The following NRXN1 variants were observed in gnomAD, a reference collection of about 807,000 sequenced individuals.
NRXN1 encodes neurexin-1.
Under a neutral mutation model 150.9 loss-of-function variants are expected in NRXN1, and 39 were observed. The ratio of observed to expected loss-of-function variants is 0.26; its 90% confidence interval spans 0.20 to 0.34. NRXN1 has a LOEUF of 0.34. Ranked by LOEUF, NRXN1 falls within the 10% of genes least tolerant of loss-of-function variation. The pLI is 1.00. For missense variants in NRXN1, 1,815 were observed against 1,949.9 expected (o/e 0.93, Z 1.30); for synonymous variants, 924 against 757.0 (o/e 1.22, Z -3.62).
At chr2:50,806,469 C>G (rs1438596791) in intron 5 of NRXN1, among the ~76,000 whole-genome samples, 1 of 152,024 alleles carries the variant, frequency 6.6e-6, no homozygotes, top group Non-Finnish European at 1.5e-5. Flanking sequence ...TTATTTTACT[C>G]AAGATTTGTT....
intron 5 of NRXN1, among the ~76,000 whole-genome samples, chr2:50,763,934 G>A (rs1255963360): frequency 6.6e-6 from 1 of 151,628 alleles, no homozygotes; most frequent in Non-Finnish European, 1.5e-5. Context: ...CTCCTCCAAT[G>A]ACACTCCCAC....
At chr2:50,312,261 T>C (rs2075245867) in intron 17 of NRXN1, among the ~76,000 whole-genome samples, 1 of 152,096 alleles carries the variant, frequency 6.6e-6, no homozygotes, top group Admixed American at 6.6e-5. Flanking sequence ...AGGATCTTAG[T>C]TTTTTACTTT....
chr2:50,713,030 T>C (rs858936), intron 5 of NRXN1, among the ~76,000 whole-genome samples: 13,057 of 152,100 alleles, frequency 0.086, 729 homozygotes, highest in Middle Eastern at 0.15. Context: ...AAATTTAAAA[T>C]AGCTGAGTGT....
At chr2:50,549,295 C>T (rs1202412940) in intron 9 of NRXN1, among the ~76,000 whole-genome samples, 3 of 152,056 alleles carry the variant, frequency 2.0e-5, no homozygotes, top group African/African-American at 7.2e-5. Context: ...AATTAAAATA[C>T]TATATATAAA....
chr2:50,769,865 A>G (rs532003326), intron 5 of NRXN1, among the ~76,000 whole-genome samples: 2 of 152,252 alleles, frequency 1.3e-5, no homozygotes, highest in South Asian at 4.1e-4. Context: ...AAATTCGTTC[A>G]GCATCAGGCG....
chr2:50,208,185 C>T (rs768834360), intron 18 of NRXN1, among the ~76,000 whole-genome samples: 3 of 152,036 alleles, frequency 2.0e-5, no homozygotes, highest in Admixed American at 6.6e-5. Flanking sequence ...ACCACTTTTG[C>T]ACCTTCTCAG....
Position 50,114,447 on chromosome 2 carries a change from G to A in NRXN1, c.3547-22953C>T, listed in dbSNP as rs189282570. 4.6e-5 allele frequency among the ~76,000 whole-genome samples: 7 copies of A among 152,222 alleles called. No individual in the cohort carries two copies. The East Asian group carries it at 1.4e-3, about 29-fold the overall frequency. Reference sequence around the variant, plus strand: ...TACAGTTACTTTGGAAGACATTGTAGTAGTTTCTTACTAAATCAAACATAC... The same window carrying A: ...TACAGTTACTTTGGAAGACATTGTAATAGTTTCTTACTAAATCAAACATAC... On this transcript the variant is annotated intron_variant, in intron 18 of 22. Coordinates refer to ENST00000401669, the MANE Select transcript of NRXN1 (RefSeq NM_001330078.2).
chr2:50,635,523 C>T (rs2104439199), intron 5 of NRXN1, among the ~76,000 whole-genome samples: 1 of 152,152 alleles, frequency 6.6e-6, no homozygotes, highest in African/African-American at 2.4e-5. Flanking sequence ...CCTCTTCTTC[C>T]CTCCTCAGAA....
At chr2:50,526,342 T>G (rs528259782) in intron 12 of NRXN1, among the ~76,000 whole-genome samples, 2 of 152,188 alleles carry the variant, frequency 1.3e-5, no homozygotes, top group Non-Finnish European at 2.9e-5. Context: ...GTTGATAGCT[T>G]AGGTATGGCA....
rs1242261175 is a variant in NRXN1, at chr2:50,791,162, C to A, written c.832+130707G>T. Among the ~76,000 whole-genome samples, 5 of 139,978 alleles carry A rather than the reference C, an allele frequency of 3.6e-5. No individual in the cohort carries two copies. In the South Asian group the frequency reaches 6.8e-4, roughly 19 times the overall value. 91.8% of individuals were successfully genotyped at this position (139,978 alleles called of 152,430 possible). A position where few individuals can be genotyped will look rare whatever the true frequency, so the allele number is the denominator to read the frequency against. On this transcript the variant is annotated intron_variant, in intron 5 of 22. Transcript: ENST00000401669. ...TAAAAAAAAAGACTGTCAAAAGTAA[C>A]ACATGTAACTAAGAGTGAAATCTTT...
intron 17 of NRXN1, among the ~76,000 whole-genome samples, chr2:50,245,412 T>A (rs1158432870): frequency 6.6e-6 from 1 of 151,980 alleles, no homozygotes; most frequent in Non-Finnish European, 1.5e-5. Context: ...TCTTCCCTTC[T>A]GAAACTAGGC....
At chr2:50,298,892 G>C (rs1383853069) in intron 17 of NRXN1, among the ~76,000 whole-genome samples, 1 of 152,100 alleles carries the variant, frequency 6.6e-6, no homozygotes, top group East Asian at 1.9e-4. Context: ...CTCTCCTTTT[G>C]AAATGAACAT....
At chr2:50,442,773 A>T (rs2086076076) in intron 17 of NRXN1, among the ~76,000 whole-genome samples, 1 of 152,166 alleles carries the variant, frequency 6.6e-6, no homozygotes. Flanking sequence ...GTGAAACATC[A>T]ACATTTAGGA....
At chr2:50,718,618 G>A (rs969671591) in intron 5 of NRXN1, among the ~76,000 whole-genome samples, 1 of 152,136 alleles carries the variant, frequency 6.6e-6, no homozygotes, top group Non-Finnish European at 1.5e-5. Flanking sequence ...AACCAAGGAC[G>A]CTCACTAATT....
At chr2:51,029,566 G>T (rs142325766) in intron 1 of NRXN1, among the ~76,000 whole-genome samples, 1 of 152,278 alleles carries the variant, frequency 6.6e-6, no homozygotes, top group African/African-American at 2.4e-5. Flanking sequence ...TTGTTCTGTG[G>T]ACAGTAAAAA....
At chr2:50,362,187 C>T (rs1411842977) in intron 17 of NRXN1, among the ~76,000 whole-genome samples, 1 of 152,114 alleles carries the variant, frequency 6.6e-6, no homozygotes, top group Non-Finnish European at 1.5e-5. Context: ...TGAAAACCGG[C>T]ACAAGACAAG....
intron 8 of NRXN1, among the ~76,000 whole-genome samples, chr2:50,595,039 A>T (rs1674930050): frequency 6.6e-6 from 1 of 151,674 alleles, no homozygotes; most frequent in Non-Finnish European, 1.5e-5. Context: ...GTGAAACACC[A>T]GAGCGGAGAT....
At chr2:50,781,197 A>G (rs901515374) in intron 5 of NRXN1, among the ~76,000 whole-genome samples, 1 of 152,112 alleles carries the variant, frequency 6.6e-6, no homozygotes, top group Non-Finnish European at 1.5e-5. Flanking sequence ...TTATAAGAGA[A>G]CTCTGAGCTC....
chr2:50,461,941 G>T (rs1042481709), intron 17 of NRXN1, among the ~76,000 whole-genome samples: 2 of 151,938 alleles, frequency 1.3e-5, no homozygotes, highest in African/African-American at 4.8e-5. Context: ...GTGTAATGTT[G>T]TTCAGAAAGC....
Sources: allele counts gnomAD v4.1 joint callset (sites outside exome capture counted in the v4.1 genomes callset), GRCh38; gene constraint gnomAD v4.1.1; transcripts MANE v1.5; gene names NCBI Gene and HGNC (gene_info 2026-07-23, HGNC 2026-07-21).